The following DPPA2 variants were observed in gnomAD, a reference collection of about 807,000 sequenced individuals.
DPPA2 encodes the protein developmental pluripotency associated 2, also known as developmental pluripotency-associated protein 2.
In DPPA2, 26 loss-of-function variants were observed where a neutral mutation model predicts 36.2. The observed-to-expected ratio is 0.72, with a 90% CI of 0.53 to 1.00. DPPA2 has a LOEUF of 1.00. DPPA2 is among the 50% of genes least tolerant of loss of function. The pLI is 0.00. For synonymous variants in DPPA2, 113 were observed against 123.2 expected (o/e 0.92, Z 0.55); for missense variants, 361 against 365.1 (o/e 0.99, Z 0.09).
In DPPA2 at chr3:109,309,323, T is replaced by C. The variant is rs1363826476; in HGVS notation, c.189A>G (p.Leu63=). Residue 63 remains leucine, a synonymous_variant, in exon 4 of 9, where the codon CTA becomes CTG. Coordinates refer to ENST00000478945, the MANE Select transcript of DPPA2 (RefSeq NM_138815.4). ...CTGTAAATTGCTCATTTGTTTGAAG[T>C]AGATGACCTAAGACAAGAATGGAAC... The part of the protein sequence containing the change: ...EKPKKYNPGH[L]LQTNEQFTAP... 3 of 1,613,876 alleles carry C rather than the reference T, an allele frequency of 1.9e-6. No individual in the cohort carries two copies. The African/African-American group carries it at 4.0e-5, about 22-fold the overall frequency.
chr3:109,298,522 G>A (rs1707395341), intron 8 of DPPA2, among the ~76,000 whole-genome samples: 1 of 151,108 alleles, frequency 6.6e-6, no homozygotes, highest in Non-Finnish European at 1.5e-5. Flanking sequence ...AGACCAGCCT[G>A]GCCAACATGG....
rs758699742 is a variant in DPPA2 at position 109,309,255 on chromosome 3, G to C, written c.257C>G (p.Pro86Arg). ...CTTATTAATGGGAGGCAAAATGGTC[G>C]GCAAGGGAAGGGCTGGTATTTTGCA... ...ARCKIPALPL[P>R]TILPPINKVC... The change falls in exon 4 of 9, where the codon CCG becomes CGG. Residue 86 changes from proline (P) to arginine (R), a missense_variant. Physicochemically the swap from Pro to Arg is moderately radical, Grantham distance 103 (BLOSUM62 -2). Transcript: ENST00000478945. 1.9e-6 allele frequency: 3 copies of C among 1,614,144 alleles called. No homozygotes were observed. Among genetic ancestry groups the C allele is most frequent in the Admixed American group, 1.7e-5 (1 of 60,004 alleles).
chr3:109,303,865 G>A lies in DPPA2; in HGVS notation c.854+610C>T, dbSNP rs147678463. ...AACTAGCCACATTTAGGCACAGCAC[G>A]GTGGCTCATGCCCTTAATACCAGTA... On this transcript the variant is annotated intron_variant, in intron 7 of 8. Transcript: ENST00000478945. Among the ~76,000 whole-genome samples the A allele has an allele frequency of 4.1e-4, 63 of 152,024 alleles. No homozygotes were observed. The Middle Eastern group carries it at 0.017, about 41-fold the overall frequency.
At chr3:109,296,629 C>T (rs1457062708) in intron 8 of DPPA2, among the ~76,000 whole-genome samples, 4 of 151,520 alleles carry the variant, frequency 2.6e-5, no homozygotes, top group East Asian at 3.9e-4. Context: ...GAGCCAAGAT[C>T]GCGCCATTGC....
chr3:109,295,190 C>T (rs1481270490), intron 8 of DPPA2: 1 of 151,724 alleles, frequency 6.6e-6, no homozygotes, highest in Non-Finnish European at 1.5e-5. Flanking sequence ...AAGATTGTTT[C>T]TATTTGGTAT....
chr3:109,308,066 AG>A lies in DPPA2; in HGVS notation c.623del (p.Pro208LeufsTer8). On this transcript the variant is annotated frameshift_variant, in exon 6 of 9. Transcript: ENST00000478945. LOFTEE classifies it high-confidence loss of function. Reference protein sequence around the residue: ...QPKALNSCSIPVSVEAFLMQA... With the variant: ...QPKALNSCSIXVSVEAFLMQA... ...GCATCAAAAAGGCCTCAACAGAAACAGGAATGGAACATGAATTCAAAGCCTT... is the reference window on the plus strand; with the variant it reads ...GCATCAAAAAGGCCTCAACAGAAACAGAATGGAACATGAATTCAAAGCCTT... 1 of 1,614,244 alleles carries A rather than the reference AG, an allele frequency of 6.2e-7. No individual in the cohort carries two copies. The highest frequency in any genetic ancestry group is 8.5e-7 in the Non-Finnish European group (1 of 1,180,036).
At chr3:109,312,731 G>C in intron 2 of DPPA2, 39 bp from the exon 3 acceptor site, 1 of 1,607,106 alleles carries the variant, frequency 6.2e-7, no homozygotes, top group Non-Finnish European at 8.5e-7. Context: ...CATTTGATGC[G>C]GTACAACTAA....
At chr3:109,315,439 A>G (rs2107323577) in intron 1 of DPPA2, among the ~76,000 whole-genome samples, 1 of 152,304 alleles carries the variant, frequency 6.6e-6, no homozygotes, top group Non-Finnish European at 1.5e-5. Context: ...CCAAAACACC[A>G]AGGCAAGTGG....
chr3:109,296,919 T>C (rs1707361969), intron 8 of DPPA2, among the ~76,000 whole-genome samples: 1 of 151,708 alleles, frequency 6.6e-6, no homozygotes, highest in African/African-American at 2.4e-5. Context: ...AAACCCCATC[T>C]CTACAAAAAA....
At chr3:109,312,304 A>C (rs185868143) in intron 3 of DPPA2, among the ~76,000 whole-genome samples, 1 of 152,342 alleles carries the variant, frequency 6.6e-6, no homozygotes, top group Admixed American at 6.5e-5. Flanking sequence ...ACTGCACTCC[A>C]ACCTGGGTGA....
Position 109,314,566 on chromosome 3 carries a change from C to T in DPPA2, c.-13-11G>A. On this transcript the variant is annotated splice_polypyrimidine_tract_variant and intron_variant, in intron 1 of 8. Transcript: ENST00000478945. ...ATTTTCAGCAACACCCTGGGGAAGG[C>T]AAGGACAGCAATGTTAAGGATATGG... The T allele has an allele frequency of 6.2e-7, 1 of 1,607,552 alleles. No individual in the cohort carries two copies.
intron 8 of DPPA2, among the ~76,000 whole-genome samples, chr3:109,297,825 G>A (rs1707380474): frequency 6.6e-6 from 1 of 152,180 alleles, no homozygotes; most frequent in Non-Finnish European, 1.5e-5. Context: ...AGCTATGATA[G>A]GCCAGGCACA....
intron 8 of DPPA2, among the ~76,000 whole-genome samples, chr3:109,296,756 T>C (rs1707358457): frequency 6.6e-6 from 1 of 151,794 alleles, no homozygotes; most frequent in Non-Finnish European, 1.5e-5. Flanking sequence ...AGGACTGTTA[T>C]TCAAAATATA....
chr3:109,307,419 T>G (rs969275024), intron 6 of DPPA2, among the ~76,000 whole-genome samples: 2 of 151,594 alleles, frequency 1.3e-5, no homozygotes, highest in Non-Finnish European at 2.9e-5. Context: ...CTGGCCAACA[T>G]AGTGAAACCC....
intron 6 of DPPA2, 74 bp from the exon 7 acceptor site, chr3:109,304,744 T>G: frequency 6.9e-7 from 1 of 1,443,640 alleles, no homozygotes; most frequent in Non-Finnish European, 9.3e-7. Flanking sequence ...CAAGTCACTC[T>G]TGAATTTGCT....
In DPPA2 at chr3:109,312,532, C is replaced by T. The variant is rs1468905181; in HGVS notation, c.181+13G>A. On this transcript the variant is annotated intron_variant, in intron 3 of 8. Coordinates refer to ENST00000478945, the MANE Select transcript of DPPA2 (RefSeq NM_138815.4). The stretch of plus-strand genomic sequence containing the variant: ...TGTAGGAGTAACTAACTGAGCAATC[C>T]CTGTCCTCATACCTGGATTGTATTT... 2.5e-6 allele frequency: 4 copies of T among 1,608,404 alleles called. No homozygotes were observed. In the Admixed American group the frequency reaches 5.0e-5, roughly 20 times the overall value.
At chr3:109,305,774 CAA>C (rs35410330) in intron 6 of DPPA2, among the ~76,000 whole-genome samples, 1,592 of 83,526 alleles carry the variant, frequency 0.019, 19 homozygotes, top group African/African-American at 0.059. Flanking sequence ...AACTCCATCT[CAA>C]AAAAAAAAAA....
rs754783732 is a variant in DPPA2 at position 109,309,040 on chromosome 3, G to T, written c.382C>A (p.Pro128Thr). 6.2e-7 allele frequency: 1 copy of T among 1,614,106 alleles called. No homozygotes were observed. The highest frequency in any genetic ancestry group is 8.5e-7 in the Non-Finnish European group (1 of 1,180,030). Residue 128 changes from proline (P) to threonine (T), a missense_variant, in exon 5 of 9, where the codon CCT becomes ACT. Transcript: ENST00000478945. ...TCATTACTCACTTGCCGTTGTTCAG[G>T]GTAAGCATGCCTATGAAGCCTCAGA... is the stretch of plus-strand genomic sequence containing the variant. ...VYLRLHRHAYPEQRQDMPEMS... is the reference protein window; with the variant it reads ...VYLRLHRHAYTEQRQDMPEMS...
At chr3:109,310,496 A>T (rs1407401625) in intron 3 of DPPA2, among the ~76,000 whole-genome samples, 1 of 149,006 alleles carries the variant, frequency 6.7e-6, no homozygotes, top group African/African-American at 2.5e-5. Flanking sequence ...ACTCAAACCT[A>T]TGTAGGTTTT....
Sources: gnomAD v4.1 joint callset for allele counts (sites outside exome capture counted in the v4.1 genomes callset) on GRCh38, gnomAD v4.1.1 for gene constraint, MANE v1.5 for transcripts, NCBI Gene and HGNC (gene_info 2026-07-23, HGNC 2026-07-21) for gene names.